RBFOX1: variants seen among roughly 807,000 people sequenced by gnomAD.
The protein encoded by RBFOX1 is RNA binding fox-1 homolog 1.
A neutral mutation model predicts 57.7 loss-of-function variants in RBFOX1; 8 were observed. That is an observed-to-expected ratio of 0.14 (90% CI 0.08 to 0.25). The LOEUF (loss-of-function observed/expected upper bound fraction) is 0.25, where lower values mean the gene tolerates loss of function less well. Ranked by LOEUF, RBFOX1 falls within the 10% of genes least tolerant of loss-of-function variation. The pLI is 1.00. For synonymous variants in RBFOX1, 326 were observed against 222.4 expected (o/e 1.47, Z -4.15); for missense variants, 611 against 548.5 (o/e 1.11, Z -1.14).
chr16:5,309,681 A>G (rs1390988123), intron 1 of RBFOX1, among the ~76,000 whole-genome samples: 1 of 152,030 alleles, frequency 6.6e-6, no homozygotes, highest in East Asian at 1.9e-4. Flanking sequence ...CACCCTTCTG[A>G]GTCTCTGGTT....
At chr16:7,593,596 G>C (rs911522257) in intron 7 of RBFOX1, among the ~76,000 whole-genome samples, 2 of 152,028 alleles carry the variant, frequency 1.3e-5, no homozygotes, top group African/African-American at 2.4e-5. Context: ...GTAAAGAAAC[G>C]TTATTTTTCT....
intron 3 of RBFOX1, among the ~76,000 whole-genome samples, chr16:5,844,895 C>G (rs1360661181): frequency 1.3e-5 from 2 of 152,056 alleles, no homozygotes; most frequent in Non-Finnish European, 2.9e-5. Context: ...AGCTCTGTTC[C>G]TTATTTGCCG....
chr16:7,448,505 C>G (rs936566553), intron 4 of RBFOX1, among the ~76,000 whole-genome samples: 2 of 152,178 alleles, frequency 1.3e-5, no homozygotes, highest in East Asian at 3.9e-4. Context: ...TCTCATAAGA[C>G]TAACTGACTA....
At chr16:6,064,747 A>G (rs1452749979) in intron 1 of RBFOX1, among the ~76,000 whole-genome samples, 1 of 151,872 alleles carries the variant, frequency 6.6e-6, no homozygotes, top group Non-Finnish European at 1.5e-5. Flanking sequence ...TCACCATATT[A>G]GCCAGGATGT....
chr16:7,605,937 C>T (rs975944503), intron 9 of RBFOX1, among the ~76,000 whole-genome samples: 2 of 151,922 alleles, frequency 1.3e-5, no homozygotes, highest in Admixed American at 6.6e-5. Context: ...CTCCCAGCTT[C>T]AAGCGATTCT....
intron 4 of RBFOX1, among the ~76,000 whole-genome samples, chr16:7,178,186 C>T (rs578082979): frequency 1.3e-5 from 2 of 152,354 alleles, no homozygotes; most frequent in African/African-American, 4.8e-5. Context: ...GCAAAGCCCA[C>T]CATGGGCATC....
intron 3 of RBFOX1, among the ~76,000 whole-genome samples, chr16:7,025,538 C>G (rs1330578686): frequency 3.3e-5 from 5 of 152,186 alleles, no homozygotes; most frequent in Non-Finnish European, 7.3e-5. Context: ...TCAAACACCT[C>G]TGACAAAACC....
chr16:5,784,217 C>G (rs567486943), intron 3 of RBFOX1, among the ~76,000 whole-genome samples: 1 of 152,006 alleles, frequency 6.6e-6, no homozygotes, highest in Non-Finnish European at 1.5e-5. Context: ...GTCAGGAGAT[C>G]GAGACCATCC....
intron 3 of RBFOX1, among the ~76,000 whole-genome samples, chr16:5,794,738 A>G (rs2054819387): frequency 6.6e-6 from 1 of 152,192 alleles, no homozygotes; most frequent in South Asian, 2.1e-4. Flanking sequence ...TGAGGTTCCT[A>G]ATGTTTAATT....
chr16:5,830,263 A>G (rs572757548), intron 3 of RBFOX1, among the ~76,000 whole-genome samples: 90 of 152,200 alleles, frequency 5.9e-4, no homozygotes, highest in African/African-American at 2.1e-3. Flanking sequence ...CAGCTTTCCT[A>G]TGCATTTTAT....
intron 1 of RBFOX1, among the ~76,000 whole-genome samples, chr16:6,210,088 C>G (rs1401680702): frequency 6.6e-6 from 1 of 151,522 alleles, no homozygotes; most frequent in Non-Finnish European, 1.5e-5. Context: ...GAGGCTGAGA[C>G]CGGTGGATCA....
intron 4 of RBFOX1, among the ~76,000 whole-genome samples, chr16:7,396,671 G>T (rs1337979776): frequency 6.6e-6 from 1 of 152,218 alleles, no homozygotes; most frequent in East Asian, 1.9e-4. Context: ...TGAGAGTGGT[G>T]ACTTACACCT....
At chr16:6,247,824 T>C (rs1433658894) in intron 1 of RBFOX1, among the ~76,000 whole-genome samples, 1 of 152,204 alleles carries the variant, frequency 6.6e-6, no homozygotes, top group Non-Finnish European at 1.5e-5. Flanking sequence ...GAAAATTCTT[T>C]CCTAGCTCTG....
At chr16:7,057,323 C>T (rs552458078) in intron 4 of RBFOX1, among the ~76,000 whole-genome samples, 1 of 152,274 alleles carries the variant, frequency 6.6e-6, no homozygotes, top group South Asian at 2.1e-4. Flanking sequence ...AGGCATGCAA[C>T]CAGGCCTCCC....
At chr16:5,932,049 C>T (rs1483824105) in intron 4 of RBFOX1, among the ~76,000 whole-genome samples, 2 of 152,162 alleles carry the variant, frequency 1.3e-5, no homozygotes, top group East Asian at 3.9e-4. Flanking sequence ...AGCAGTCCTC[C>T]CGCCTTGGCT....
At chr16:6,591,043 A>C (rs970695316) in intron 2 of RBFOX1, among the ~76,000 whole-genome samples, 1 of 152,152 alleles carries the variant, frequency 6.6e-6, no homozygotes, top group Non-Finnish European at 1.5e-5. Flanking sequence ...GGACAAGTAT[A>C]ATTGTGTGCT....
intron 2 of RBFOX1, among the ~76,000 whole-genome samples, chr16:6,409,408 C>G (rs895865784): frequency 6.6e-6 from 1 of 152,140 alleles, no homozygotes; most frequent in Non-Finnish European, 1.5e-5. Context: ...GAGCGAAACC[C>G]GGTCTCAAAA....
At chr16:7,067,661 A>G (rs1294954668) in intron 4 of RBFOX1, among the ~76,000 whole-genome samples, 4 of 149,196 alleles carry the variant, frequency 2.7e-5, no homozygotes. Flanking sequence ...CATTAGGTAT[A>G]TCTCCCAAAG....
intron 4 of RBFOX1, among the ~76,000 whole-genome samples, chr16:7,095,139 A>T (rs7192917): frequency 0.93 from 141,004 of 152,172 alleles, 65,473 homozygotes; most frequent in East Asian, 1. Context: ...TGAGATGGAG[A>T]CCCACTCTGT....
Sources: gnomAD v4.1 joint callset for allele counts (sites outside exome capture counted in the v4.1 genomes callset) on GRCh38, gnomAD v4.1.1 for gene constraint, MANE v1.5 for transcripts, NCBI Gene and HGNC (gene_info 2026-07-23, HGNC 2026-07-21) for gene names.